Variants in RPH3A observed in about 807,000 individuals in gnomAD.
The protein encoded by RPH3A is rabphilin-3A.
RPH3A carries 48 observed loss-of-function variants against 102.2 expected under a neutral mutation model. That is an observed-to-expected ratio of 0.47 (90% CI 0.37 to 0.60). The LOEUF (loss-of-function observed/expected upper bound fraction) is 0.60, where lower values mean the gene tolerates loss of function less well. Ranked by LOEUF, RPH3A falls within the 20% of genes least tolerant of loss-of-function variation. RPH3A has a pLI of 0.00. For synonymous variants in RPH3A, 310 were observed against 324.3 expected, an observed-to-expected ratio of 0.96 and a Z score of 0.47; for missense variants, 781 against 910.1, an observed-to-expected ratio of 0.86 and a Z score of 1.83.
At chr12:112,890,216 A>G (rs2136265687) in intron 18 of RPH3A, 136 bp downstream of exon 18, 1 of 781,740 alleles carries the variant, frequency 1.3e-6, no homozygotes. Context: ...TGCCTTGAGA[A>G]CAACCCTTTG....
chr12:112,736,262 A>C (rs547046592), intron 1 of RPH3A, among the ~76,000 whole-genome samples: 40 of 152,300 alleles, frequency 2.6e-4, no homozygotes, highest in African/African-American at 9.1e-4. Flanking sequence ...CTGCCTCCAG[A>C]CATTGCCCAA....
chr12:112,763,180 T>C (rs779805617), intron 1 of RPH3A, among the ~76,000 whole-genome samples: 1 of 152,214 alleles, frequency 6.6e-6, no homozygotes, highest in Non-Finnish European at 1.5e-5. Flanking sequence ...CTGTGTATTA[T>C]TAGTGTTGGG....
intron 1 of RPH3A, among the ~76,000 whole-genome samples, chr12:112,694,857 G>A (rs1055820319): frequency 6.6e-6 from 1 of 152,206 alleles, no homozygotes; most frequent in Non-Finnish European, 1.5e-5. Flanking sequence ...AAATGTGTGA[G>A]TGACGATTAA....
chr12:112,740,042 C>G (rs1452891343), intron 1 of RPH3A, among the ~76,000 whole-genome samples: 1 of 152,148 alleles, frequency 6.6e-6, no homozygotes, highest in Non-Finnish European at 1.5e-5. Context: ...ACCCATGTAA[C>G]CAATCCCCTG....
intron 19 of RPH3A, 60 bp downstream of exon 19, chr12:112,891,063 G>T: frequency 1.3e-6 from 2 of 1,586,570 alleles, no homozygotes; most frequent in Non-Finnish European, 1.7e-6. Context: ...CCTTGGAAAA[G>T]GAGAACCAGA....
At chr12:112,584,397 G>A (rs958698225) in intron 1 of RPH3A, among the ~76,000 whole-genome samples, 3 of 152,170 alleles carry the variant, frequency 2.0e-5, no homozygotes, top group African/African-American at 7.2e-5. Flanking sequence ...GGCCCCGGAA[G>A]TTGCTGAGTT....
chr12:112,752,629 T>C (rs1217354252), intron 1 of RPH3A, among the ~76,000 whole-genome samples: 1 of 151,442 alleles, frequency 6.6e-6, no homozygotes, highest in Non-Finnish European at 1.5e-5. Context: ...CAAGTCTCAA[T>C]TTCAAAAAAT....
intron 1 of RPH3A, among the ~76,000 whole-genome samples, chr12:112,762,922 A>G (rs1251848927): frequency 6.6e-6 from 1 of 152,208 alleles, no homozygotes; most frequent in Non-Finnish European, 1.5e-5. Context: ...TGCTGATCGG[A>G]CAGATTTGGG....
At chr12:112,605,015 G>A (rs1469493318) in intron 1 of RPH3A, among the ~76,000 whole-genome samples, 1 of 152,172 alleles carries the variant, frequency 6.6e-6, no homozygotes, top group African/African-American at 2.4e-5. Flanking sequence ...AATTCAAGGG[G>A]CTCTACCTTC....
chr12:112,740,258 A>G (rs774101153), intron 1 of RPH3A, among the ~76,000 whole-genome samples: 16 of 152,220 alleles, frequency 1.1e-4, no homozygotes, highest in Non-Finnish European at 2.1e-4. Context: ...AGTTTCTGGC[A>G]TATAATAAAA....
At chr12:112,891,327 G>A (rs978838047) in intron 19 of RPH3A, 5 of 275,866 alleles carry the variant, frequency 1.8e-5, no homozygotes, top group Admixed American at 4.9e-5. Context: ...CACACCCCTC[G>A]GACCGCTCAG....
chr12:112,773,534 G>C (rs996356453), intron 1 of RPH3A, among the ~76,000 whole-genome samples: 1 of 151,932 alleles, frequency 6.6e-6, no homozygotes, highest in Non-Finnish European at 1.5e-5. Context: ...GATTAAATTA[G>C]TTTTCATTTG....
intron 3 of RPH3A, among the ~76,000 whole-genome samples, chr12:112,829,447 C>A (rs2041933707): frequency 6.6e-6 from 1 of 151,768 alleles, no homozygotes; most frequent in Non-Finnish European, 1.5e-5. Context: ...ACTTTAATTT[C>A]TTTTTGTAGA....
intron 10 of RPH3A, among the ~76,000 whole-genome samples, chr12:112,871,575 A>C (rs2042708934): frequency 6.6e-6 from 1 of 152,074 alleles, no homozygotes; most frequent in Admixed American, 6.6e-5. Flanking sequence ...TTTTGTGTGA[A>C]AAACCAGACC....
At chr12:112,713,047 TTCTCCTTCTTCTTC>T (rs2040487575) in intron 1 of RPH3A, among the ~76,000 whole-genome samples, 1 of 74,580 alleles carries the variant, frequency 1.3e-5, no homozygotes, top group African/African-American at 6.6e-5. Context: ...CTTCTTCTTC[TTCTCCTTCTTCTTC>T]TTCTTCTTCT....
chr12:112,592,273 T>C (rs191068934), intron 1 of RPH3A, among the ~76,000 whole-genome samples: 2 of 152,126 alleles, frequency 1.3e-5, no homozygotes, highest in African/African-American at 4.8e-5. Flanking sequence ...AACAAATAGA[T>C]TAAAATTAAA....
At chr12:112,717,511 C>A (rs1197311932) in intron 1 of RPH3A, among the ~76,000 whole-genome samples, 1 of 151,920 alleles carries the variant, frequency 6.6e-6, no homozygotes, top group Non-Finnish European at 1.5e-5. Flanking sequence ...CCCTTTGAAT[C>A]TGGCTTCTTT....
intron 2 of RPH3A, among the ~76,000 whole-genome samples, chr12:112,808,668 T>C (rs2041513861): frequency 6.6e-6 from 1 of 152,154 alleles, no homozygotes; most frequent in African/African-American, 2.4e-5. Context: ...TTTTCTAGCA[T>C]TGCATAAAGT....
chr12:112,589,604 A>T (rs2039462203), intron 1 of RPH3A, among the ~76,000 whole-genome samples: 1 of 151,794 alleles, frequency 6.6e-6, no homozygotes, highest in Non-Finnish European at 1.5e-5. Flanking sequence ...ACCTCCTCTC[A>T]CTTTCTAGCC....
Sources: allele counts gnomAD v4.1 joint callset (sites outside exome capture counted in the v4.1 genomes callset), GRCh38; gene constraint gnomAD v4.1.1; transcripts MANE v1.5; gene names NCBI Gene and HGNC (gene_info 2026-07-23, HGNC 2026-07-21).